The following THSD7B variants were observed in gnomAD, a reference collection of about 807,000 sequenced individuals.
THSD7B encodes the protein thrombospondin type 1 domain containing 7B.
A neutral mutation model predicts 213.6 loss-of-function variants in THSD7B; 138 were observed. The ratio of observed to expected loss-of-function variants is 0.65; its 90% CI spans 0.56 to 0.74. The LOEUF is 0.74. THSD7B is among the 30% of genes least tolerant of loss of function. THSD7B has a pLI of 0.00. For missense variants in THSD7B, 1,931 were observed against 1,991.5 expected, an observed-to-expected ratio of 0.97 and a Z score of 0.58; for synonymous variants, 742 against 687.0, an observed-to-expected ratio of 1.08 and a Z score of -1.25.
At chr2:137,659,862 C>A in intron 25 of THSD7B, 116 bp downstream of exon 25, 1 of 821,206 alleles carries the variant, frequency 1.2e-6, no homozygotes, top group Non-Finnish European at 1.8e-6. Flanking sequence ...CCCATGATAC[C>A]ATCTAGAGGC....
chr2:137,028,087 G>C (rs1339193212), intron 2 of THSD7B, among the ~76,000 whole-genome samples: 1 of 152,098 alleles, frequency 6.6e-6, no homozygotes, highest in Non-Finnish European at 1.5e-5. Context: ...TAATTAAATA[G>C]AGCTTCATTT....
intron 2 of THSD7B, among the ~76,000 whole-genome samples, chr2:137,011,756 C>T (rs1686234597): frequency 6.6e-6 from 1 of 152,216 alleles, no homozygotes; most frequent in African/African-American, 2.4e-5. Context: ...GCTAGAGCCA[C>T]ATCTACCGCA....
At chr2:137,623,630 A>G (rs1287415349) in intron 20 of THSD7B, among the ~76,000 whole-genome samples, 6 of 152,252 alleles carry the variant, frequency 3.9e-5, no homozygotes, top group African/African-American at 7.2e-5. Context: ...CTTCAGCAAA[A>G]TCTCAGGATA....
intron 10 of THSD7B, 71 bp from the exon 11 acceptor site, chr2:137,272,462 A>T (rs76730255): frequency 2.8e-6 from 4 of 1,454,442 alleles, no homozygotes; most frequent in Middle Eastern, 1.8e-4. Context: ...TTTTTTTTCA[A>T]TTGCTACCTG....
At chr2:137,529,572 G>A (rs1444746123) in intron 15 of THSD7B, among the ~76,000 whole-genome samples, 1 of 149,864 alleles carries the variant, frequency 6.7e-6, no homozygotes, top group African/African-American at 2.5e-5. Context: ...GATAGTTTAA[G>A]GGATTTAGAA....
intron 17 of THSD7B, among the ~76,000 whole-genome samples, chr2:137,592,287 A>G (rs73961003): frequency 0.13 from 19,357 of 151,766 alleles, 1,394 homozygotes; most frequent in South Asian, 0.22. Context: ...AATTTTTTGT[A>G]TTTTGTCAAT....
intron 12 of THSD7B, among the ~76,000 whole-genome samples, chr2:137,287,410 A>G (rs1683210946): frequency 1.3e-5 from 2 of 152,152 alleles, no homozygotes; most frequent in African/African-American, 4.8e-5. Context: ...GATTCAGAAC[A>G]AAGATTGCAT....
chr2:137,415,630 G>A (rs940085543), intron 14 of THSD7B, among the ~76,000 whole-genome samples: 2 of 147,302 alleles, frequency 1.4e-5, no homozygotes, highest in African/African-American at 2.5e-5. Context: ...GATTCTTGAG[G>A]TGAGCCACTT....
At chr2:137,070,459 G>T (rs777043506) in intron 3 of THSD7B, among the ~76,000 whole-genome samples, 7 of 151,764 alleles carry the variant, frequency 4.6e-5, no homozygotes, top group Non-Finnish European at 7.4e-5. Flanking sequence ...ATGTTTTCAG[G>T]ATAAGTTCAT....
chr2:137,173,068 C>T (rs141494735), intron 7 of THSD7B, among the ~76,000 whole-genome samples: 237 of 152,188 alleles, frequency 1.6e-3, no homozygotes, highest in Non-Finnish European at 2.3e-3. Flanking sequence ...GTAATAAAAC[C>T]TCCCTCTCAC....
At chr2:137,495,765 A>G (rs1034344900) in intron 15 of THSD7B, among the ~76,000 whole-genome samples, 7 of 152,166 alleles carry the variant, frequency 4.6e-5, no homozygotes, top group Non-Finnish European at 1.5e-5. Context: ...TTATTTTCAA[A>G]ACAAGGTAGT....
intron 12 of THSD7B, among the ~76,000 whole-genome samples, chr2:137,302,882 AC>A (rs1403392515): frequency 2.0e-5 from 3 of 151,986 alleles, no homozygotes; most frequent in East Asian, 1.9e-4. Flanking sequence ...ATCTAAATTC[AC>A]TCTTCCCCTT....
intron 5 of THSD7B, among the ~76,000 whole-genome samples, chr2:137,157,025 T>A (rs146804410): frequency 1.4e-3 from 212 of 152,292 alleles, no homozygotes; most frequent in South Asian, 3.3e-3. Context: ...TATGAATTCT[T>A]GCTGTAATAT....
chr2:137,117,306 C>A (rs1303273129), intron 5 of THSD7B, among the ~76,000 whole-genome samples: 1 of 152,252 alleles, frequency 6.6e-6, no homozygotes, highest in African/African-American at 2.4e-5. Context: ...TCTTGGCCCC[C>A]ATTAAACACA....
chr2:137,520,366 C>T (rs1256566959), intron 15 of THSD7B, among the ~76,000 whole-genome samples: 5 of 152,084 alleles, frequency 3.3e-5, no homozygotes, highest in African/African-American at 1.2e-4. Context: ...GAATGCTAAC[C>T]ATATGCCAGA....
At chr2:137,110,360 C>G (rs1266957386) in intron 4 of THSD7B, among the ~76,000 whole-genome samples, 1 of 152,190 alleles carries the variant, frequency 6.6e-6, no homozygotes, top group Non-Finnish European at 1.5e-5. Context: ...ATTTCTTTGT[C>G]TAGTCAACCT....
intron 2 of THSD7B, among the ~76,000 whole-genome samples, chr2:136,993,618 AG>A (rs1438675211): frequency 2.0e-5 from 3 of 152,238 alleles, no homozygotes; most frequent in South Asian, 2.1e-4. Flanking sequence ...CATTACCAAA[AG>A]GTTTAAATGA....
At chr2:136,950,266 AAAATAAAAATAAAAAT>A (rs1442306814) in intron 2 of THSD7B, among the ~76,000 whole-genome samples, 1 of 152,062 alleles carries the variant, frequency 6.6e-6, no homozygotes, top group Non-Finnish European at 1.5e-5. Flanking sequence ...GAAAAAAATA[AAAATAAAAATAAAAAT>A]AAATAAAAAT....
chr2:137,621,910 G>A (rs1198660833), intron 20 of THSD7B, among the ~76,000 whole-genome samples: 2 of 152,174 alleles, frequency 1.3e-5, no homozygotes. Context: ...GAAAGCAGAG[G>A]AGAGAAGGTG....
Sources: gnomAD v4.1 joint callset for allele counts (sites outside exome capture counted in the v4.1 genomes callset) on GRCh38, gnomAD v4.1.1 for gene constraint, MANE v1.5 for transcripts, NCBI Gene and HGNC (gene_info 2026-07-23, HGNC 2026-07-21) for gene names.